WASF3: variants seen among roughly 807,000 people sequenced by gnomAD.
WASF3 encodes the protein WASP family member 3.
In WASF3, 11 loss-of-function variants were observed where a neutral mutation model predicts 46.6. That is an observed-to-expected ratio of 0.24 (90% CI 0.15 to 0.39). The LOEUF is 0.39. Among genes scored for constraint, WASF3 ranks in the 10% least tolerant of loss-of-function variants. The pLI, the probability that WASF3 is intolerant of heterozygous loss-of-function variation, is 1.00. For synonymous variants in WASF3, 242 were observed against 259.7 expected, an observed-to-expected ratio of 0.93 and a Z score of 0.65; for missense variants, 576 against 669.8, an observed-to-expected ratio of 0.86 and a Z score of 1.55.
intron 1 of WASF3, among the ~76,000 whole-genome samples, chr13:26,574,749 T>A (rs1389292126): frequency 2.0e-5 from 3 of 152,206 alleles, no homozygotes; most frequent in East Asian, 1.9e-4. Context: ...TTTCTTAATT[T>A]AAAAAATTCT....
chr13:26,655,321 C>A (rs1445601503), intron 3 of WASF3, among the ~76,000 whole-genome samples: 1 of 152,044 alleles, frequency 6.6e-6, no homozygotes, highest in Non-Finnish European at 1.5e-5. Flanking sequence ...CTAATGTTTC[C>A]TCGTGACTGG....
intron 1 of WASF3, among the ~76,000 whole-genome samples, chr13:26,594,223 C>T (rs1217240109): frequency 1.3e-5 from 2 of 152,150 alleles, no homozygotes; most frequent in Admixed American, 1.3e-4. Context: ...CTCTTCTATT[C>T]TAGTCCTTCA....
At chr13:26,676,759 C>G (rs751283709) in intron 7 of WASF3, 35 bp downstream of exon 7, 2 of 1,577,902 alleles carry the variant, frequency 1.3e-6, no homozygotes, top group South Asian at 1.2e-5. Context: ...AGCCCTGATG[C>G]TTGGGCAACT....
intron 2 of WASF3, among the ~76,000 whole-genome samples, chr13:26,620,929 T>C (rs987983232): frequency 2.0e-5 from 3 of 152,236 alleles, no homozygotes; most frequent in African/African-American, 7.2e-5. Context: ...TGCCTTTTTC[T>C]GGGAGACTTA....
At chr13:26,549,908 C>G in the WASF3 span, among the ~76,000 whole-genome samples, 1 of 152,188 alleles carries the variant, frequency 6.6e-6, no homozygotes, top group South Asian at 2.1e-4. Flanking sequence ...TGCCAAAAGC[C>G]CGGGTGGCTT....
At chr13:26,645,689 A>G (rs1882129740) in intron 3 of WASF3, among the ~76,000 whole-genome samples, 1 of 152,198 alleles carries the variant, frequency 6.6e-6, no homozygotes, top group African/African-American at 2.4e-5. Flanking sequence ...ATATAAATAT[A>G]AATGTGAGAC....
At chr13:26,624,811 A>T (rs1285234514) in intron 2 of WASF3, among the ~76,000 whole-genome samples, 1 of 152,208 alleles carries the variant, frequency 6.6e-6, no homozygotes, top group Non-Finnish European at 1.5e-5. Context: ...AGACTATGAA[A>T]GTCATTAAGA....
At chr13:26,588,364 A>G (rs541152351) in intron 1 of WASF3, among the ~76,000 whole-genome samples, 1 of 152,312 alleles carries the variant, frequency 6.6e-6, no homozygotes, top group South Asian at 2.1e-4. Context: ...ACTGTTTAAA[A>G]ACACAACATG....
In WASF3 at chr13:26,557,736, G is replaced by A. The variant is rs988997654; in HGVS notation, c.-192G>A. ...CGCCGCTGCGTGCGGTGTGGTGCGA[G>A]GCGGGTGCGCCGGGCGGCCGCGGCG... On this transcript the variant is annotated 5_prime_UTR_variant, in exon 1 of 10. Coordinates refer to ENST00000335327, the MANE Select transcript of WASF3 (RefSeq NM_006646.6). 3.9e-5 allele frequency: 8 copies of A among 207,728 alleles called. No individual in the cohort carries two copies. Among genetic ancestry groups the A allele is most frequent in the Non-Finnish European group, 4.7e-5 (5 of 106,016 alleles). 12.9% of individuals were successfully genotyped at this position (207,728 alleles called of 1,614,324 possible).
chr13:26,601,548 A>G (rs1395946103), intron 1 of WASF3, among the ~76,000 whole-genome samples: 4 of 152,216 alleles, frequency 2.6e-5, no homozygotes, highest in African/African-American at 9.6e-5. Context: ...TTCAGGGTTG[A>G]CAGATTCAGC....
At chr13:26,654,419 C>T (rs984918292) in intron 3 of WASF3, among the ~76,000 whole-genome samples, 2 of 152,114 alleles carry the variant, frequency 1.3e-5, no homozygotes, top group African/African-American at 4.8e-5. Flanking sequence ...AAAAATATTG[C>T]TTTATTTTCC....
chr13:26,544,645 T>C, the WASF3 span, among the ~76,000 whole-genome samples: 2 of 152,234 alleles, frequency 1.3e-5, no homozygotes, highest in Admixed American at 1.3e-4. Context: ...TCACCATCTA[T>C]AGAAGAATCA....
At chr13:26,622,112 A>G (rs1881324468) in intron 2 of WASF3, among the ~76,000 whole-genome samples, 1 of 152,208 alleles carries the variant, frequency 6.6e-6, no homozygotes, top group Admixed American at 6.5e-5. Flanking sequence ...TGTGTATAAT[A>G]TAGTCTGTGC....
At chr13:26,642,504 G>A (rs1302920181) in intron 3 of WASF3, 101 bp downstream of exon 3, 2 of 1,357,144 alleles carry the variant, frequency 1.5e-6, no homozygotes, top group African/African-American at 1.5e-5. Context: ...GCAGCTTTAA[G>A]GAAAAGATCC....
chr13:26,558,935 C>G (rs1879193387), intron 1 of WASF3, among the ~76,000 whole-genome samples: 1 of 152,202 alleles, frequency 6.6e-6, no homozygotes, highest in African/African-American at 2.4e-5. Flanking sequence ...AAATGCGACT[C>G]TATCAAAACT....
the WASF3 span, among the ~76,000 whole-genome samples, chr13:26,544,184 G>C: frequency 6.6e-6 from 1 of 152,188 alleles, no homozygotes; most frequent in African/African-American, 2.4e-5. Context: ...GTGAGAGAAA[G>C]GAGTCAGTGA....
At position 26,683,636 on chromosome 13, in the gene WASF3, TA is replaced by T. The variant is rs1275102008; in HGVS notation, c.1351+674del. On this transcript the variant is annotated intron_variant, in intron 9 of 9. Transcript: ENST00000335327. ...AGTGAGCTCATATTAATGATTTCTT[TA>T]AAAAAAAAAAAGAGTTTGTGCTGGA... Among the ~76,000 whole-genome samples the T allele has an allele frequency of 2.8e-3, 401 of 145,636 alleles. 3 individuals are homozygous for T. Among genetic ancestry groups the T allele is most frequent in the South Asian group, 0.027 (124 of 4,566 alleles).
intron 2 of WASF3, among the ~76,000 whole-genome samples, chr13:26,635,761 C>A (rs1471990725): frequency 2.0e-5 from 3 of 152,246 alleles, no homozygotes; most frequent in Non-Finnish European, 4.4e-5. Context: ...AGCTGCAGGT[C>A]TGTTGGAGTT....
At position 26,604,558 on chromosome 13, in the gene WASF3, A is replaced by G. The variant is rs541413241; in HGVS notation, c.-108-8403A>G. Among the ~76,000 whole-genome samples the G allele has an allele frequency of 3.3e-5, 5 of 152,316 alleles. No homozygotes were observed. In the South Asian group the frequency reaches 1.0e-3, roughly 32 times the overall value. On this transcript the variant is annotated intron_variant, in intron 1 of 9. Coordinates refer to ENST00000335327, the MANE Select transcript of WASF3 (RefSeq NM_006646.6). ...AGTGCTTTGCATTTTTTTGGTTGATAAAAATAAATGTATTTGAAGAGTAAG... is the reference window on the plus strand; with the variant it reads ...AGTGCTTTGCATTTTTTTGGTTGATGAAAATAAATGTATTTGAAGAGTAAG...
Sources: allele counts gnomAD v4.1 joint callset (sites outside exome capture counted in the v4.1 genomes callset), GRCh38; gene constraint gnomAD v4.1.1; transcripts MANE v1.5; gene names NCBI Gene and HGNC (gene_info 2026-07-23, HGNC 2026-07-21).